The following SLC44A1 variants were observed in gnomAD, a reference collection of about 807,000 sequenced individuals.
SLC44A1 encodes choline transporter-like protein 1.
In SLC44A1, 26 loss-of-function variants were observed where a neutral mutation model predicts 79.3. The observed-to-expected ratio is 0.33, with a 90% CI of 0.24 to 0.46. SLC44A1 has a LOEUF of 0.46. Among genes scored for constraint, SLC44A1 ranks in the 20% least tolerant of loss-of-function variants. The pLI is 1.00. For missense variants in SLC44A1, 688 were observed against 798.1 expected (o/e 0.86, Z 1.66); for synonymous variants, 263 against 286.2 (o/e 0.92, Z 0.82).
chr9:105,338,830 C>T lies in SLC44A1; in HGVS notation c.406+3131C>T, dbSNP rs1333715826. Among the ~76,000 whole-genome samples, 5 of 152,162 alleles carry T rather than the reference C, an allele frequency of 3.3e-5. No individual in the cohort carries two copies. The East Asian group carries it at 9.6e-4, about 29-fold the overall frequency. On this transcript the variant is annotated intron_variant, in intron 4 of 15. Coordinates refer to ENST00000374720, the MANE Select transcript of SLC44A1 (RefSeq NM_080546.5). ...ATATTTCTGTTAGAAAATACACAGA[C>T]CCTTTAGCCTCAAATATATAGACCT...
At chr9:105,324,757 A>T (rs1826517465) in intron 3 of SLC44A1, among the ~76,000 whole-genome samples, 1 of 152,240 alleles carries the variant, frequency 6.6e-6, no homozygotes, top group South Asian at 2.1e-4. Context: ...ATGAAAAGAT[A>T]GCCAACATCA....
chr9:105,334,704 C>A (rs1251363492), intron 3 of SLC44A1, among the ~76,000 whole-genome samples: 5 of 152,178 alleles, frequency 3.3e-5, no homozygotes, highest in Non-Finnish European at 7.4e-5. Context: ...TCTCTTTGAG[C>A]AAATGTTAGC....
At chr9:105,265,684 G>T (rs1367745793) in intron 1 of SLC44A1, among the ~76,000 whole-genome samples, 1 of 152,202 alleles carries the variant, frequency 6.6e-6, no homozygotes, top group Non-Finnish European at 1.5e-5. Flanking sequence ...ATAAGAATCT[G>T]CCAAACTGTT....
intron 1 of SLC44A1, among the ~76,000 whole-genome samples, chr9:105,263,505 A>G (rs1224607277): frequency 1.3e-5 from 2 of 150,474 alleles, no homozygotes; most frequent in Non-Finnish European, 3.0e-5. Flanking sequence ...AAATCTATGT[A>G]ATTTTTATTT....
chr9:105,355,848 T>C (rs1214201686), intron 5 of SLC44A1: 3 of 180,544 alleles, frequency 1.7e-5, no homozygotes, highest in African/African-American at 7.1e-5. Flanking sequence ...TTTGTAAGCT[T>C]TGTCATCTGC....
chr9:105,389,904 A>C lies in SLC44A1; in HGVS notation c.*848A>C, dbSNP rs1483832073. The C allele has an allele frequency of 2.0e-6, 3 of 1,521,218 alleles. No individual in the cohort carries two copies. The highest frequency in any genetic ancestry group is 2.2e-5 in the Admixed American group (1 of 44,848). 94.2% of individuals were successfully genotyped at this position (1,521,218 alleles called of 1,614,324 possible). A position where few individuals can be genotyped will look rare whatever the true frequency, so the allele number is the denominator to read the frequency against. ...TAAGTTTCTGTGTATTGATTTGCAG[A>C]TTAAGTAATGCTGGGAGGAATAAAG... On this transcript the variant is annotated 3_prime_UTR_variant, in exon 16 of 16. Transcript: ENST00000374720.
intron 3 of SLC44A1, among the ~76,000 whole-genome samples, chr9:105,332,902 A>G (rs1435755136): frequency 6.6e-6 from 1 of 152,180 alleles, no homozygotes; most frequent in African/African-American, 2.4e-5. Context: ...TATATTATTG[A>G]TCACATTACA....
At chr9:105,348,554 G>T (rs1827309877) in intron 5 of SLC44A1, 103 bp downstream of exon 5, 2 of 715,234 alleles carry the variant, frequency 2.8e-6, no homozygotes, top group South Asian at 3.4e-5. Context: ...ATACCTGTTG[G>T]CCAGGTCCAA....
intron 2 of SLC44A1, among the ~76,000 whole-genome samples, chr9:105,300,970 G>A (rs149072283): frequency 6.6e-4 from 101 of 151,962 alleles, no homozygotes; most frequent in African/African-American, 2.4e-3. Context: ...GGGTTTCACC[G>A]TGTTGGCCAG....
intron 3 of SLC44A1, among the ~76,000 whole-genome samples, chr9:105,310,751 C>G (rs1426543126): frequency 6.6e-6 from 1 of 152,092 alleles, no homozygotes; most frequent in African/African-American, 2.4e-5. Flanking sequence ...AATCTGGGCC[C>G]CTAGTGGGAA....
chr9:105,400,758 T>C (rs1211934530), downstream of SLC44A1, among the ~76,000 whole-genome samples: 1 of 152,224 alleles, frequency 6.6e-6, no homozygotes, highest in Non-Finnish European at 1.5e-5. Flanking sequence ...TATAATTTCT[T>C]TGCAATGTTT....
chr9:105,276,564 C>CTGTGTGTGTG (rs1564409372), intron 1 of SLC44A1, among the ~76,000 whole-genome samples: 2 of 63,896 alleles, frequency 3.1e-5, no homozygotes, highest in East Asian at 1.1e-3. Flanking sequence ...GGATGGGGAG[C>CTGTGTGTGTG]CGTGTGTGTG....
At position 105,244,809 on chromosome 9, in the gene SLC44A1, G is replaced by A. The variant is rs1209879029; in HGVS notation, c.-60G>A. On this transcript the variant is annotated 5_prime_UTR_variant, in exon 1 of 16. Coordinates refer to ENST00000374720, the MANE Select transcript of SLC44A1 (RefSeq NM_080546.5). ...CCGGGCGCCCGCCGGCTCGCATGCC[G>A]AGGGGCTCCGGGGCGTAGCTGCGCG... The A allele has an allele frequency of 1.9e-6, 2 of 1,065,370 alleles. No individual in the cohort carries two copies. Among genetic ancestry groups the A allele is most frequent in the Non-Finnish European group, 1.1e-6 (1 of 870,044 alleles). The allele number at this position is 1,065,370 out of a possible 1,614,324, so 66.0% of individuals were successfully genotyped here. A position where few individuals can be genotyped will look rare whatever the true frequency, so the allele number is the denominator to read the frequency against.
chr9:105,341,419 C>T (rs1159548816), intron 4 of SLC44A1, among the ~76,000 whole-genome samples: 1 of 151,170 alleles, frequency 6.6e-6, no homozygotes, highest in Non-Finnish European at 1.5e-5. Context: ...TCGTGGGGTA[C>T]AAATGTGCAT....
At chr9:105,311,128 G>A (rs367747506) in intron 3 of SLC44A1, among the ~76,000 whole-genome samples, 4 of 152,248 alleles carry the variant, frequency 2.6e-5, no homozygotes, top group African/African-American at 9.6e-5. Flanking sequence ...CTTTATGATT[G>A]CTTCATGAAA....
At chr9:105,361,844 C>T (rs767830737) in intron 8 of SLC44A1, among the ~76,000 whole-genome samples, 4 of 152,108 alleles carry the variant, frequency 2.6e-5, no homozygotes, top group Non-Finnish European at 2.9e-5. Flanking sequence ...CTTGAGCCCA[C>T]GAGTTCTAGA....
chr9:105,356,761 AT>A (rs573963755), intron 6 of SLC44A1, among the ~76,000 whole-genome samples: 9 of 152,260 alleles, frequency 5.9e-5, no homozygotes, highest in African/African-American at 2.2e-4. Context: ...ATATATTCCC[AT>A]TTAAGAACAC....
At chr9:105,250,363 T>C (rs1378343603) in intron 1 of SLC44A1, among the ~76,000 whole-genome samples, 1 of 152,112 alleles carries the variant, frequency 6.6e-6, no homozygotes, top group Non-Finnish European at 1.5e-5. Flanking sequence ...TATCAAATAC[T>C]ATTTGATGTG....
chr9:105,289,642 C>T (rs138656700), intron 1 of SLC44A1, among the ~76,000 whole-genome samples: 3 of 152,168 alleles, frequency 2.0e-5, no homozygotes, highest in African/African-American at 4.8e-5. Flanking sequence ...TGTTTCAGTG[C>T]GTGACTGCTG....
Sources: gnomAD v4.1 joint callset for allele counts (sites outside exome capture counted in the v4.1 genomes callset) on GRCh38, gnomAD v4.1.1 for gene constraint, MANE v1.5 for transcripts, NCBI Gene and HGNC (gene_info 2026-07-23, HGNC 2026-07-21) for gene names.